RND3: variants seen among roughly 807,000 people sequenced by gnomAD.
RND3 encodes the protein Rho family GTPase 3, also known as rho-related GTP-binding protein RhoE.
In RND3, 8 loss-of-function variants were observed where a neutral mutation model predicts 26.5. That is an observed-to-expected ratio of 0.30 (90% CI 0.18 to 0.54). The LOEUF (loss-of-function observed/expected upper bound fraction) is 0.54, where lower values mean the gene tolerates loss of function less well. RND3 is among the 20% of genes least tolerant of loss of function. The pLI, the probability that RND3 is intolerant of heterozygous loss-of-function variation, is 0.94. For synonymous variants in RND3, 113 were observed against 113.0 expected, an observed-to-expected ratio of 1.00 and a Z score of 0.00; for missense variants, 207 against 302.8, an observed-to-expected ratio of 0.68 and a Z score of 2.35.
intron 4 of RND3, 191 bp from the exon 5 acceptor site, chr2:150,471,952 G>A (rs2105216320): frequency 5.4e-6 from 3 of 560,364 alleles, no homozygotes; most frequent in East Asian, 5.9e-5. Flanking sequence ...TACTTTTTAA[G>A]CATTAGAGAA....
rs1390346584 is a variant in RND3, at chr2:150,486,845, G to C, written c.151-64C>G. ...GCAAAGAGGTTACGTTTAAACGCAC[G>C]ACACCCATTGAACACCCTTCCCCTC... On this transcript the variant is annotated intron_variant, in intron 2 of 5. Transcript: ENST00000263895. This position sits in a 1 kb window ranked among gnomAD's most constrained non-coding sequence, Gnocchi z 4.5. 4.4e-6 allele frequency: 5 copies of C among 1,130,458 alleles called. No individual in the cohort carries two copies. The highest frequency in any genetic ancestry group is 6.8e-6 in the Non-Finnish European group (5 of 738,934). 70.0% of individuals were successfully genotyped at this position (1,130,458 alleles called of 1,614,324 possible).
rs1451765730 is a variant in RND3 at position 150,469,074 on chromosome 2, C to T, written c.*913G>A. ...CTTTCTGCTACTATTCTTTCCTTCA[C>T]TCATTACCTTTTCTGGTGAAAACAG... is the stretch of plus-strand genomic sequence containing the variant. On this transcript the variant is annotated 3_prime_UTR_variant, in exon 6 of 6. Coordinates refer to ENST00000263895, the MANE Select transcript of RND3 (RefSeq NM_005168.5). 1 of 152,632 alleles carries T rather than the reference C, an allele frequency of 6.6e-6. No individual in the cohort carries two copies. The highest frequency in any genetic ancestry group is 2.4e-5 in the African/African-American group (1 of 41,454). 9.5% of individuals were successfully genotyped at this position (152,632 alleles called of 1,614,324 possible). A position where few individuals can be genotyped will look rare whatever the true frequency, so the allele number is the denominator to read the frequency against.
At chr2:150,478,813 G>A (rs971086863) in intron 3 of RND3, among the ~76,000 whole-genome samples, 2 of 152,044 alleles carry the variant, frequency 1.3e-5, no homozygotes, top group East Asian at 1.9e-4. Flanking sequence ...TAGGGACTGC[G>A]TTTGGCTTGT....
rs779437802 is a variant in RND3 at position 150,471,651 on chromosome 2, C to T, written c.459G>A (p.Arg153=). ...CCTGGTCATAGGACACTGGCGTCTG[C>T]CTGTGATTGGAGAGCTCTACTAATG... ...VSTLVELSNH[R]QTPVSYDQGA... is the part of the protein sequence containing the mutation. Residue 153 remains arginine (R), a synonymous_variant, in exon 5 of 6, where the codon AGG becomes AGA. Transcript: ENST00000263895. 30 of 1,612,408 alleles carry T rather than the reference C, an allele frequency of 1.9e-5. No individual in the cohort carries two copies. Among genetic ancestry groups the T allele is most frequent in the Non-Finnish European group, 2.5e-5 (30 of 1,179,332 alleles).
chr2:150,479,134 G>A (rs7579153), intron 3 of RND3, among the ~76,000 whole-genome samples: 20,217 of 152,102 alleles, frequency 0.13, 1,497 homozygotes, highest in African/African-American at 0.19. Flanking sequence ...GCAAACATCA[G>A]CAAAGTTCTA....
At chr2:150,473,100 C>T (rs1686113123) in intron 4 of RND3, among the ~76,000 whole-genome samples, 1 of 149,660 alleles carries the variant, frequency 6.7e-6, no homozygotes, top group African/African-American at 2.5e-5. Flanking sequence ...GAACACCTAC[C>T]ACATGCTAGG....
rs1686024980 is a variant in RND3 at position 150,468,330 on chromosome 2, A to G, written c.*1657T>C. On this transcript the variant is annotated 3_prime_UTR_variant, in exon 6 of 6. Transcript: ENST00000263895. ...AAAAATGCAACAAAAGTTCTGCTTT[A>G]TAACAGTTATAACTTATTTTCTTTT... 2 of 152,660 alleles carry G rather than the reference A, an allele frequency of 1.3e-5. No homozygotes were observed. Among genetic ancestry groups the G allele is most frequent in the Admixed American group, 1.3e-4 (2 of 15,284 alleles). The allele number at this position is 152,660 out of a possible 1,614,324, so 9.5% of individuals were successfully genotyped here. A position where few individuals can be genotyped will look rare whatever the true frequency, so the allele number is the denominator to read the frequency against.
At chr2:150,483,644 T>C (rs1227479059) in intron 3 of RND3, among the ~76,000 whole-genome samples, 1 of 152,234 alleles carries the variant, frequency 6.6e-6, no homozygotes, top group Non-Finnish European at 1.5e-5. Flanking sequence ...TCCAGAAATT[T>C]GCCATGAAAA....
At position 150,487,474 on chromosome 2, in the gene RND3, A is replaced by ATATAT. The variant is rs1553461879; in HGVS notation, c.-38-20_-38-19insATATA. On this transcript the variant is annotated intron_variant, in intron 1 of 5. Transcript: ENST00000263895. Reference sequence around the variant, plus strand: ...ATTTTCTCTTAAGAAGAAAAAAAAAAATATATATATATATATATATTTCTC... The same window carrying ATATAT: ...ATTTTCTCTTAAGAAGAAAAAAAAAATATATATATATATATATATATATATTTCTC... 1,270 of 200,746 alleles carry ATATAT rather than the reference A, an allele frequency of 6.3e-3. 14 individuals are homozygous for ATATAT. Among genetic ancestry groups the ATATAT allele is most frequent in the African/African-American group, 0.026 (956 of 36,634 alleles). 12.4% of individuals were successfully genotyped at this position (200,746 alleles called of 1,614,324 possible).
At position 150,482,048 on chromosome 2, in the gene RND3, A is replaced by T. The variant is rs991686351; in HGVS notation, c.238+4646T>A. Among the ~76,000 whole-genome samples, 3 of 152,380 alleles carry T rather than the reference A, an allele frequency of 2.0e-5. No individual in the cohort carries two copies. The East Asian group carries it at 5.8e-4, about 29-fold the overall frequency. On this transcript the variant is annotated intron_variant, in intron 3 of 5. Coordinates refer to ENST00000263895, the MANE Select transcript of RND3 (RefSeq NM_005168.5). ...TAGTAATGCTAAAAACTAAAATAGG[A>T]AGTACTAACTTTAGCACTCAGGGCT...
rs1246308293 is a variant in RND3, at chr2:150,486,948, G to C, written c.151-167C>G. ...CACATGGACCCTTTCCGAAACCCCT[G>C]TCCTACTCCCCACTCACCCCACCCG... On this transcript the variant is annotated intron_variant, in intron 2 of 5. Transcript: ENST00000263895. The surrounding 1 kb of genome is among the most constrained non-coding windows in gnomAD (Gnocchi z 4.5). 2 of 650,960 alleles carry C rather than the reference G, an allele frequency of 3.1e-6. No homozygotes were observed. Among genetic ancestry groups the C allele is most frequent in the Non-Finnish European group, 5.6e-6 (2 of 360,128 alleles). 40.3% of individuals were successfully genotyped at this position (650,960 alleles called of 1,614,324 possible).
At chr2:150,476,334 G>A (rs1686164233) in intron 3 of RND3, among the ~76,000 whole-genome samples, 1 of 152,180 alleles carries the variant, frequency 6.6e-6, no homozygotes, top group African/African-American at 2.4e-5. Flanking sequence ...TTTGCTTGGA[G>A]GCTGTTCTTG....
chr2:150,483,919 T>A (rs983939200), intron 3 of RND3, among the ~76,000 whole-genome samples: 1 of 152,258 alleles, frequency 6.6e-6, no homozygotes, highest in Non-Finnish European at 1.5e-5. Flanking sequence ...TACCGGATAA[T>A]TTTGCAGTAC....
At chr2:150,484,597 G>T (rs556768500) in intron 3 of RND3, among the ~76,000 whole-genome samples, 2 of 152,150 alleles carry the variant, frequency 1.3e-5, no homozygotes, top group African/African-American at 4.8e-5. Flanking sequence ...CCCAGCACGG[G>T]ATGCCAGATC....
At chr2:150,473,143 G>GA (rs36041514) in intron 4 of RND3, among the ~76,000 whole-genome samples, 2,840 of 136,428 alleles carry the variant, frequency 0.021, 36 homozygotes, top group South Asian at 0.03. Flanking sequence ...AGGTGAACTG[G>GA]AAAAAAAAAA....
Position 150,470,073 on chromosome 2 carries a change from T to C in RND3, c.649A>G (p.Ile217Val). Residue 217 changes from isoleucine to valine, a missense_variant, in exon 6 of 6, where the codon ATT (isoleucine) becomes GTT (valine). By Grantham distance (29) the Ile-to-Val change is conservative (BLOSUM62 3). Coordinates refer to ENST00000263895, the MANE Select transcript of RND3 (RefSeq NM_005168.5). ...RNKSQRATKR[I>V]SHMPSRPELS... The stretch of plus-strand genomic sequence containing the variant: ...TCTGGTCTGCTAGGCATGTGTGAAA[T>C]CCGCTTTGTGGCTCTCTGTGATTTG... 6.2e-7 allele frequency: 1 copy of C among 1,614,100 alleles called. No individual in the cohort carries two copies. Among genetic ancestry groups the C allele is most frequent in the South Asian group, 1.1e-5 (1 of 91,088 alleles).
At chr2:150,476,987 T>C (rs889322430) in intron 3 of RND3, among the ~76,000 whole-genome samples, 1 of 152,174 alleles carries the variant, frequency 6.6e-6, no homozygotes, top group Non-Finnish European at 1.5e-5. Context: ...TGAATGACTC[T>C]TTCCAAACAG....
intron 4 of RND3, chr2:150,471,968 A>T (rs1467969004): frequency 2.1e-5 from 11 of 521,528 alleles, no homozygotes; most frequent in Non-Finnish European, 3.4e-6. Flanking sequence ...GAGAATAATT[A>T]TGTATATTAT....
rs1209384148 is a variant in RND3, at chr2:150,487,474, A to AATAT, written c.-38-23_-38-20dup. The AATAT allele has an allele frequency of 2.2e-3, 438 of 200,716 alleles. 2 individuals are homozygous for AATAT. Among genetic ancestry groups the AATAT allele is most frequent in the African/African-American group, 8.2e-3 (302 of 36,640 alleles). 12.4% of individuals were successfully genotyped at this position (200,716 alleles called of 1,614,324 possible). On this transcript the variant is annotated intron_variant, in intron 1 of 5. Coordinates refer to ENST00000263895, the MANE Select transcript of RND3 (RefSeq NM_005168.5). ...ATTTTCTCTTAAGAAGAAAAAAAAA[A>AATAT]ATATATATATATATATATATTTCTC...
Sources: allele counts gnomAD v4.1 joint callset (sites outside exome capture counted in the v4.1 genomes callset), GRCh38; gene constraint gnomAD v4.1.1; non-coding constraint Gnocchi (gnomAD v3.1); transcripts MANE v1.5; gene names NCBI Gene and HGNC (gene_info 2026-07-23, HGNC 2026-07-21).